The following ARMH4 variants were observed in gnomAD, a reference collection of about 807,000 sequenced individuals.
ARMH4 encodes the protein armadillo like helical domain containing 4, also known as armadillo-like helical domain-containing protein 4.
Under a neutral mutation model 61.9 loss-of-function variants are expected in ARMH4, and 49 were observed. That is an observed-to-expected ratio of 0.79 (90% CI 0.63 to 1.00). ARMH4 has a LOEUF of 1.00. Ranked by LOEUF, ARMH4 falls within the 50% of genes least tolerant of loss-of-function variation. The pLI is 0.00. For missense variants in ARMH4, 934 were observed against 930.0 expected (o/e 1.00, Z -0.06); for synonymous variants, 368 against 341.5 (o/e 1.08, Z -0.85).
rs374469664 is a variant in ARMH4, at chr14:58,062,343, C to T, written c.2089+34381G>A. Among the ~76,000 whole-genome samples, 41 of 152,172 alleles carry T rather than the reference C, an allele frequency of 2.7e-4. No homozygotes were observed. The South Asian group carries it at 8.5e-3, about 32-fold the overall frequency. ...GACAGAGTAAGACTCTGCCTCCTGT[C>T]CCCCAAATAAAGAAGAGCAAAGCTG... is the stretch of plus-strand genomic sequence containing the variant. On this transcript the variant is annotated intron_variant, in intron 5 of 7. Coordinates refer to ENST00000267485, the MANE Select transcript of ARMH4 (RefSeq NM_001001872.4).
chr14:58,068,773 G>A (rs543111707), intron 5 of ARMH4, among the ~76,000 whole-genome samples: 4 of 152,210 alleles, frequency 2.6e-5, no homozygotes, highest in Non-Finnish European at 2.9e-5. Context: ...TTGAGAGGCC[G>A]AGGCAGGCAG....
intron 6 of ARMH4, among the ~76,000 whole-genome samples, chr14:58,006,697 G>A (rs1294430445): frequency 6.6e-6 from 1 of 151,276 alleles, no homozygotes; most frequent in Non-Finnish European, 1.5e-5. Flanking sequence ...ACTCATAGGT[G>A]GGAACTGAAC....
At chr14:58,021,566 C>A (rs547528768) in intron 5 of ARMH4, among the ~76,000 whole-genome samples, 1 of 152,308 alleles carries the variant, frequency 6.6e-6, no homozygotes, top group Admixed American at 6.5e-5. Flanking sequence ...AACACCCTCA[C>A]AAACACGACC....
At chr14:58,107,979 A>G (rs1259708963) in intron 4 of ARMH4, among the ~76,000 whole-genome samples, 1 of 152,138 alleles carries the variant, frequency 6.6e-6, no homozygotes. Context: ...TATGCCAATA[A>G]CAATCAAAAG....
At chr14:58,141,022 C>T (rs942458764) in intron 1 of ARMH4, among the ~76,000 whole-genome samples, 1 of 152,146 alleles carries the variant, frequency 6.6e-6, no homozygotes, top group Non-Finnish European at 1.5e-5. Context: ...AATCTACTGT[C>T]ACCTTGATCT....
At chr14:58,141,513 T>C in intron 1 of ARMH4, 2 of 538,202 alleles carry the variant, frequency 3.7e-6, no homozygotes, top group Non-Finnish European at 7.5e-6. Flanking sequence ...GTGGCATTAC[T>C]GAGCCTTCCC....
At chr14:58,131,262 CTT>C in intron 4 of ARMH4, 1 of 417,122 alleles carries the variant, frequency 2.4e-6, no homozygotes. Flanking sequence ...ATTTTTATAA[CTT>C]TTCTATGTCA....
chr14:58,100,115 G>T (rs1347589579), intron 4 of ARMH4, among the ~76,000 whole-genome samples: 1 of 152,170 alleles, frequency 6.6e-6, no homozygotes, highest in East Asian at 1.9e-4. Flanking sequence ...AGAGAAACAG[G>T]CATGGTGCAG....
chr14:58,087,573 T>G (rs971034143), intron 5 of ARMH4, among the ~76,000 whole-genome samples: 1 of 152,232 alleles, frequency 6.6e-6, no homozygotes, highest in Non-Finnish European at 1.5e-5. Context: ...GAATTTGCAG[T>G]GTTCCACAGC....
intron 4 of ARMH4, chr14:58,101,044 T>C (rs1011725129): frequency 5.6e-6 from 1 of 177,730 alleles, no homozygotes; most frequent in East Asian, 1.5e-4. Context: ...GCCGCCTGTG[T>C]AGTGGGCACC....
chr14:58,013,057 T>G (rs1309858501), intron 5 of ARMH4, among the ~76,000 whole-genome samples: 1 of 152,188 alleles, frequency 6.6e-6, no homozygotes, highest in Non-Finnish European at 1.5e-5. Flanking sequence ...ACCTTCATTA[T>G]CAAACAAAAG....
chr14:58,040,801 C>T (rs1421737207), intron 5 of ARMH4, among the ~76,000 whole-genome samples: 1 of 152,138 alleles, frequency 6.6e-6, no homozygotes. Flanking sequence ...AATTCTACTT[C>T]CAGTATATTG....
At chr14:58,010,396 T>A (rs1882364306) in intron 6 of ARMH4, among the ~76,000 whole-genome samples, 1 of 152,080 alleles carries the variant, frequency 6.6e-6, no homozygotes, top group African/African-American at 2.4e-5. Context: ...TAGCATGTAA[T>A]CGTTCAAGCA....
At chr14:58,035,950 T>C (rs28800223) in intron 5 of ARMH4, among the ~76,000 whole-genome samples, 230 of 111,598 alleles carry the variant, frequency 2.1e-3, no homozygotes, top group South Asian at 2.5e-3. Context: ...GATGGATTCA[T>C]AGCCGAATTC....
chr14:58,137,952 A>T, intron 2 of ARMH4, 38 bp downstream of exon 2: 1 of 1,561,046 alleles, frequency 6.4e-7, no homozygotes, highest in African/African-American at 1.4e-5. Context: ...AAGTTTCCAA[A>T]TTAAACCAAA....
rs761131916 is a variant in ARMH4 at position 58,139,000 on chromosome 14, G to C, written c.359C>G (p.Pro120Arg). The C allele has an allele frequency of 1.2e-6, 2 of 1,614,184 alleles. No individual in the cohort carries two copies. The highest frequency in any genetic ancestry group is 1.7e-6 in the Non-Finnish European group (2 of 1,180,034). The part of the protein sequence containing the change: ...GVSTPTESGV[P>R]SAEEVFGSSQ... ...GGAACCAAATACTTCTTCAGCTGAG[G>C]GGACACCTGACTCAGTAGGTGTGGA... Residue 120 changes from proline to arginine, a missense_variant, in exon 2 of 8, where the codon CCC (proline) becomes CGC (arginine). Coordinates refer to ENST00000267485, the MANE Select transcript of ARMH4 (RefSeq NM_001001872.4).
At chr14:58,073,947 CA>C (rs1884964871) in intron 5 of ARMH4, among the ~76,000 whole-genome samples, 1 of 152,154 alleles carries the variant, frequency 6.6e-6, no homozygotes, top group Non-Finnish European at 1.5e-5. Flanking sequence ...TAGTAAACTA[CA>C]AAAAGGCCAT....
At chr14:58,026,344 A>C (rs1273392767) in intron 5 of ARMH4, among the ~76,000 whole-genome samples, 1 of 152,102 alleles carries the variant, frequency 6.6e-6, no homozygotes, top group Admixed American at 6.6e-5. Flanking sequence ...AGCGGAAAAA[A>C]AAAATCACTT....
chr14:58,052,044 T>C (rs1884161336), intron 5 of ARMH4, among the ~76,000 whole-genome samples: 1 of 152,162 alleles, frequency 6.6e-6, no homozygotes, highest in African/African-American at 2.4e-5. Context: ...TTCCCCTCCC[T>C]GCCCTGCCCT....
Sources: allele counts gnomAD v4.1 joint callset (sites outside exome capture counted in the v4.1 genomes callset), GRCh38; gene constraint gnomAD v4.1.1; transcripts MANE v1.5; gene names NCBI Gene and HGNC (gene_info 2026-07-23, HGNC 2026-07-21).